Variants in ZNF385B observed in about 807,000 individuals in gnomAD.
ZNF385B encodes the protein zinc finger protein 385B.
A neutral mutation model predicts 39.2 loss-of-function variants in ZNF385B; 23 were observed. That is an observed-to-expected ratio of 0.59 (90% CI 0.42 to 0.83). The LOEUF (loss-of-function observed/expected upper bound fraction) is 0.83, where lower values mean the gene tolerates loss of function less well. Among genes scored for constraint, ZNF385B ranks in the 40% least tolerant of loss-of-function variants. The pLI, the probability that ZNF385B is intolerant of heterozygous loss-of-function variation, is 0.00. For synonymous variants in ZNF385B, 205 were observed against 222.6 expected, an observed-to-expected ratio of 0.92 and a Z score of 0.70; for missense variants, 552 against 598.9, an observed-to-expected ratio of 0.92 and a Z score of 0.82.
intron 3 of ZNF385B, among the ~76,000 whole-genome samples, chr2:179,650,970 A>G (rs1693143757): frequency 6.6e-6 from 1 of 152,190 alleles, no homozygotes; most frequent in Non-Finnish European, 1.5e-5. Context: ...TATCATTAGC[A>G]TCAAAATGGC....
chr2:179,582,783 T>C (rs1302614377), intron 3 of ZNF385B, among the ~76,000 whole-genome samples: 2 of 152,218 alleles, frequency 1.3e-5, no homozygotes, highest in African/African-American at 2.4e-5. Context: ...ACTCCTTACC[T>C]CATTTCTGCT....
intron 3 of ZNF385B, among the ~76,000 whole-genome samples, chr2:179,634,102 A>T (rs1276442048): frequency 6.6e-6 from 1 of 152,244 alleles, no homozygotes; most frequent in Non-Finnish European, 1.5e-5. Flanking sequence ...AACCATAAAA[A>T]AACCTAGAAG....
chr2:179,661,956 A>G (rs1444614620), intron 3 of ZNF385B, among the ~76,000 whole-genome samples: 1 of 152,244 alleles, frequency 6.6e-6, no homozygotes, highest in Non-Finnish European at 1.5e-5. Flanking sequence ...TACACTTAAA[A>G]AGAAGTACTA....
chr2:179,450,410 A>C (rs1372833493), intron 6 of ZNF385B, among the ~76,000 whole-genome samples: 2 of 152,176 alleles, frequency 1.3e-5, no homozygotes, highest in Admixed American at 6.5e-5. Flanking sequence ...TTACAAAAAA[A>C]CAAACAACCC....
At chr2:179,842,571 C>T (rs2630539) in intron 1 of ZNF385B, among the ~76,000 whole-genome samples, 72,619 of 151,782 alleles carry the variant, frequency 0.48, 18,169 homozygotes, top group African/African-American at 0.6. Context: ...CCATGATTAA[C>T]TCTTTCATAG....
intron 3 of ZNF385B, among the ~76,000 whole-genome samples, chr2:179,575,813 C>T (rs767044936): frequency 6.6e-6 from 1 of 151,612 alleles, no homozygotes; most frequent in Admixed American, 6.6e-5. Flanking sequence ...AAGGGAGGTA[C>T]CCATGTTTTT....
chr2:179,729,513 T>C (rs570175341), intron 3 of ZNF385B, among the ~76,000 whole-genome samples: 57 of 152,318 alleles, frequency 3.7e-4, no homozygotes, highest in African/African-American at 1.3e-3. Context: ...CAGAGATATA[T>C]TATTAACTTG....
At chr2:179,852,916 A>G (rs1200979892) in intron 1 of ZNF385B, among the ~76,000 whole-genome samples, 2 of 152,164 alleles carry the variant, frequency 1.3e-5, no homozygotes, top group African/African-American at 2.4e-5. Flanking sequence ...TGATGACCAC[A>G]TGCATGGGAG....
At chr2:179,530,001 T>G (rs1053625518) in intron 4 of ZNF385B, among the ~76,000 whole-genome samples, 4 of 147,842 alleles carry the variant, frequency 2.7e-5, no homozygotes, top group African/African-American at 7.3e-5. Flanking sequence ...AAAAAATAAT[T>G]TTTCAGTAGA....
intron 3 of ZNF385B, 108 bp downstream of exon 3, chr2:179,769,395 G>C (rs1703882949): frequency 2.0e-6 from 3 of 1,490,610 alleles, no homozygotes; most frequent in Non-Finnish European, 2.7e-6. Context: ...ATGTTATCAT[G>C]GTAGCCCAGT....
At chr2:179,525,302 C>T (rs1049444072) in intron 4 of ZNF385B, among the ~76,000 whole-genome samples, 23 of 152,078 alleles carry the variant, frequency 1.5e-4, no homozygotes, top group African/African-American at 4.1e-4. Flanking sequence ...TCTGGAAAAG[C>T]GAGTCTAGGT....
At chr2:179,681,327 C>T (rs957694319) in intron 3 of ZNF385B, among the ~76,000 whole-genome samples, 5 of 151,956 alleles carry the variant, frequency 3.3e-5, no homozygotes, top group Non-Finnish European at 5.9e-5. Context: ...CTGTTTTGGA[C>T]GCTCTTTTAA....
chr2:179,636,262 A>G (rs1022222277), intron 3 of ZNF385B, among the ~76,000 whole-genome samples: 4 of 152,182 alleles, frequency 2.6e-5, no homozygotes, highest in African/African-American at 9.7e-5. Context: ...TCATAATACA[A>G]CATAGCCACT....
At chr2:179,837,940 G>T (rs1265610977) in intron 1 of ZNF385B, among the ~76,000 whole-genome samples, 1 of 152,134 alleles carries the variant, frequency 6.6e-6, no homozygotes, top group East Asian at 1.9e-4. Context: ...CAGAGTTGTT[G>T]CATTATAATT....
intron 3 of ZNF385B, among the ~76,000 whole-genome samples, chr2:179,587,583 AC>A (rs1687190433): frequency 6.6e-6 from 1 of 152,252 alleles, no homozygotes; most frequent in Admixed American, 6.5e-5. Context: ...AAAACACTGC[AC>A]AACAAGCTGC....
intron 3 of ZNF385B, among the ~76,000 whole-genome samples, chr2:179,582,039 G>A (rs527958553): frequency 1.8e-4 from 27 of 152,248 alleles, no homozygotes; most frequent in African/African-American, 4.3e-4. Flanking sequence ...CATATGCCTT[G>A]TAAAGTCTCA....
chr2:179,495,759 G>T (rs1559342807), intron 5 of ZNF385B, among the ~76,000 whole-genome samples: 3 of 152,194 alleles, frequency 2.0e-5, no homozygotes, highest in Admixed American at 1.3e-4. Flanking sequence ...CATCAAGGTG[G>T]TACCTCTATG....
chr2:179,444,764 T>A, intron 9 of ZNF385B, 112 bp downstream of exon 9: 1 of 908,804 alleles, frequency 1.1e-6, no homozygotes, highest in Non-Finnish European at 1.8e-6. Flanking sequence ...TGAGGGCTAT[T>A]TAAATTTGAA....
At chr2:179,674,646 C>T (rs1203904390) in intron 3 of ZNF385B, among the ~76,000 whole-genome samples, 1 of 152,200 alleles carries the variant, frequency 6.6e-6, no homozygotes, top group Non-Finnish European at 1.5e-5. Flanking sequence ...ACTATGAAGT[C>T]ACACATATTA....
Sources: gnomAD v4.1 joint callset for allele counts (sites outside exome capture counted in the v4.1 genomes callset) on GRCh38, gnomAD v4.1.1 for gene constraint, MANE v1.5 for transcripts, NCBI Gene and HGNC (gene_info 2026-07-23, HGNC 2026-07-21) for gene names.